SV2C: variants seen among roughly 807,000 people sequenced by gnomAD.
SV2C encodes solute carrier family 22 member B3.
Under a neutral mutation model 79.7 loss-of-function variants are expected in SV2C, and 49 were observed. The ratio of observed to expected loss-of-function variants is 0.61; its 90% CI spans 0.49 to 0.78. The LOEUF (loss-of-function observed/expected upper bound fraction) is 0.78. SV2C is among the 30% of genes least tolerant of loss of function. SV2C has a pLI of 0.00. For missense variants in SV2C, 833 were observed against 912.9 expected, an observed-to-expected ratio of 0.91 and a Z score of 1.13; for synonymous variants, 334 against 333.2, an observed-to-expected ratio of 1.00 and a Z score of -0.03.
intron 12 of SV2C, among the ~76,000 whole-genome samples, chr5:76,351,852 T>G (rs1031329313): frequency 6.6e-6 from 1 of 152,102 alleles, no homozygotes; most frequent in Non-Finnish European, 1.5e-5. Context: ...TGCATGCAAA[T>G]AGTTCTGTCA....
the SV2C span, among the ~76,000 whole-genome samples, chr5:75,948,449 G>A: frequency 2.6e-5 from 4 of 152,206 alleles, no homozygotes; most frequent in African/African-American, 9.6e-5. Flanking sequence ...TGCTTTCATG[G>A]AGTTTACATT....
At chr5:76,170,824 G>A (rs534073217) in intron 2 of SV2C, 2 of 222,764 alleles carry the variant, frequency 9.0e-6, no homozygotes, top group Middle Eastern at 1.5e-3. Context: ...GAGCCCGTCC[G>A]GCCATGGTGG....
chr5:76,042,630 T>C, the SV2C span, among the ~76,000 whole-genome samples: 1 of 152,212 alleles, frequency 6.6e-6, no homozygotes, highest in Admixed American at 6.5e-5. Flanking sequence ...CAAGTAATTT[T>C]CATACATCCC....
chr5:76,034,734 C>G, the SV2C span, among the ~76,000 whole-genome samples: 8 of 152,082 alleles, frequency 5.3e-5, no homozygotes, highest in East Asian at 1.9e-4. Flanking sequence ...TCTCTGCCTG[C>G]CTTTGGTATC....
downstream of SV2C, among the ~76,000 whole-genome samples, chr5:76,338,636 ATTTTCTTTTTCT>A (rs202010275): frequency 2.4e-4 from 34 of 143,184 alleles, no homozygotes; most frequent in African/African-American, 7.7e-4. Flanking sequence ...CAACCATAGT[ATTTTCTTTTTCT>A]TTTTCTTTTT....
chr5:76,345,193 T>C (rs1018499423), intron 12 of SV2C, among the ~76,000 whole-genome samples: 2 of 152,214 alleles, frequency 1.3e-5, no homozygotes, highest in African/African-American at 4.8e-5. Context: ...AGTTCTCAAC[T>C]AGGCACCAAC....
the SV2C span, among the ~76,000 whole-genome samples, chr5:75,884,283 T>C: frequency 6.6e-6 from 1 of 152,186 alleles, no homozygotes; most frequent in Non-Finnish European, 1.5e-5. Context: ...AATTTAGGAA[T>C]ATTAAGTGGA....
At chr5:76,316,462 G>A (rs1748622367) in intron 12 of SV2C, among the ~76,000 whole-genome samples, 1 of 152,180 alleles carries the variant, frequency 6.6e-6, no homozygotes, top group Non-Finnish European at 1.5e-5. Context: ...AGGTTTGAAA[G>A]CTCCTCCAGG....
chr5:76,285,735 T>C, intron 5 of SV2C, 46 bp from the exon 6 acceptor site: 4 of 1,528,320 alleles, frequency 2.6e-6, no homozygotes, highest in Non-Finnish European at 3.6e-6. Context: ...TCAGGGAGGG[T>C]AAGTGTGTCA....
At chr5:76,142,501 A>C (rs1399020507) in intron 2 of SV2C, among the ~76,000 whole-genome samples, 1 of 152,204 alleles carries the variant, frequency 6.6e-6, no homozygotes, top group Non-Finnish European at 1.5e-5. Flanking sequence ...GAATCAATAC[A>C]GTGTGTTGTG....
intron 2 of SV2C, among the ~76,000 whole-genome samples, chr5:76,182,292 T>C (rs2112302157): frequency 6.6e-6 from 1 of 152,262 alleles, no homozygotes; most frequent in African/African-American, 2.4e-5. Flanking sequence ...GCCTCTTGTA[T>C]TTCTTTTATC....
At chr5:75,853,911 C>T in the SV2C span, among the ~76,000 whole-genome samples, 3 of 148,018 alleles carry the variant, frequency 2.0e-5, no homozygotes, top group Admixed American at 2.0e-4. Context: ...CTTAAAATTG[C>T]ATGTTTTAAA....
chr5:76,066,242 T>C, the SV2C span, among the ~76,000 whole-genome samples: 8 of 151,950 alleles, frequency 5.3e-5, no homozygotes, highest in Middle Eastern at 3.4e-3. Context: ...ATGTGGCACA[T>C]ATACACCATG....
chr5:75,989,043 C>T, the SV2C span, among the ~76,000 whole-genome samples: 2 of 151,950 alleles, frequency 1.3e-5, no homozygotes, highest in Non-Finnish European at 2.9e-5. Flanking sequence ...CTTAAATATA[C>T]TACATAAGTG....
At chr5:76,299,361 G>A (rs942189721) in intron 10 of SV2C, among the ~76,000 whole-genome samples, 1 of 151,646 alleles carries the variant, frequency 6.6e-6, no homozygotes, top group Admixed American at 6.6e-5. Context: ...TCCCCAGGGG[G>A]AAAAAAAAGG....
At chr5:76,160,467 A>C (rs1373198282) in intron 2 of SV2C, among the ~76,000 whole-genome samples, 1 of 152,192 alleles carries the variant, frequency 6.6e-6, no homozygotes, top group African/African-American at 2.4e-5. Context: ...AAGACCATCT[A>C]ATGTAGGAAA....
chr5:76,082,636 C>A (rs1197022026), upstream of SV2C, among the ~76,000 whole-genome samples: 1 of 34,108 alleles, frequency 2.9e-5, no homozygotes, highest in African/African-American at 1.4e-4. Context: ...CTCTCTCCAC[C>A]CCCCCCCCCT....
chr5:75,949,820 T>G, the SV2C span, among the ~76,000 whole-genome samples: 2 of 152,044 alleles, frequency 1.3e-5, no homozygotes, highest in Non-Finnish European at 2.9e-5. Flanking sequence ...GAAAACCAGC[T>G]AATACAGATG....
chr5:76,243,136 G>T (rs1450897412), intron 4 of SV2C, among the ~76,000 whole-genome samples: 2 of 152,024 alleles, frequency 1.3e-5, no homozygotes, highest in Admixed American at 6.6e-5. Context: ...AAAGAGGTTG[G>T]TGAGGGGCAA....
Sources: gnomAD v4.1 joint callset for allele counts (sites outside exome capture counted in the v4.1 genomes callset) on GRCh38, gnomAD v4.1.1 for gene constraint, MANE v1.5 for transcripts, NCBI Gene and HGNC (gene_info 2026-07-23, HGNC 2026-07-21) for gene names.